ITK: variants seen among roughly 807,000 people sequenced by gnomAD.
ITK encodes tyrosine-protein kinase ITK/TSK.
Under a neutral mutation model 87.6 loss-of-function variants are expected in ITK, and 45 were observed. The observed-to-expected ratio is 0.51, with a 90% confidence interval of 0.40 to 0.66. ITK has a LOEUF of 0.66. ITK is among the 30% of genes least tolerant of loss of function. The probability of loss-of-function intolerance (pLI) is 0.00; values close to 1 mark genes in which losing one functional copy is unlikely to be tolerated. For synonymous variants in ITK, 303 were observed against 273.6 expected (o/e 1.11, Z -1.06); for missense variants, 605 against 766.3 (o/e 0.79, Z 2.48).
At position 157,243,464 on chromosome 5, in the gene ITK, T is replaced by C. The variant is rs1452608433; in HGVS notation, c.1061-159T>C. Among the ~76,000 whole-genome samples the C allele has an allele frequency of 3.3e-5, 5 of 152,222 alleles. No homozygotes were observed. The South Asian group carries it at 8.3e-4, about 25-fold the overall frequency. ...CATATTTTCATAGTTTTCTAGCATA[T>C]CCTATGTTATTATGTGGGAAAAAGA... On this transcript the variant is annotated intron_variant, in intron 11 of 16. Coordinates refer to ENST00000422843, the MANE Select transcript of ITK (RefSeq NM_005546.4).
chr5:157,197,620 A>G (rs1310869857), intron 1 of ITK, among the ~76,000 whole-genome samples: 1 of 129,420 alleles, frequency 7.7e-6, no homozygotes, highest in African/African-American at 2.7e-5. Context: ...CTCTTCTTCC[A>G]AAAATGGGAT....
chr5:157,189,621 C>T (rs2113738389), intron 1 of ITK, among the ~76,000 whole-genome samples: 1 of 152,236 alleles, frequency 6.6e-6, no homozygotes, highest in Non-Finnish European at 1.5e-5. Flanking sequence ...GCAGAGGTTG[C>T]AGTAGGCTGA....
chr5:157,232,839 T>A (rs1013168980), intron 8 of ITK, among the ~76,000 whole-genome samples: 1 of 152,206 alleles, frequency 6.6e-6, no homozygotes, highest in African/African-American at 2.4e-5. Flanking sequence ...TGAGTGGTGA[T>A]GGCTGGCCAT....
intron 5 of ITK, among the ~76,000 whole-genome samples, chr5:157,218,149 T>C (rs1385102209): frequency 6.6e-6 from 1 of 152,152 alleles, no homozygotes; most frequent in Non-Finnish European, 1.5e-5. Flanking sequence ...ATTCAACAAA[T>C]ACTGATATCA....
intron 5 of ITK, among the ~76,000 whole-genome samples, chr5:157,220,066 G>T (rs1022465252): frequency 7.9e-5 from 12 of 152,186 alleles, no homozygotes; most frequent in African/African-American, 1.9e-4. Context: ...TCACCTTCTT[G>T]TTCTGCTGCC....
At chr5:157,235,161 C>T (rs183383099) in intron 8 of ITK, among the ~76,000 whole-genome samples, 194 of 152,290 alleles carry the variant, frequency 1.3e-3, no homozygotes, top group African/African-American at 4.5e-3. Context: ...AAACTAACAA[C>T]TCCACTTAAG....
Position 157,211,337 on chromosome 5 carries a change from C to A in ITK, c.294C>A (p.Ser98Arg). Residue 98 changes from serine (S) to arginine (R), a missense_variant, in exon 3 of 17, where the codon AGC (serine) becomes AGA (arginine). Coordinates refer to ENST00000422843, the MANE Select transcript of ITK (RefSeq NM_005546.4). ...ATGTGTTTGCTCCAGATCGTGAGAG[C>A]CGGCAGCGCTGGGTGCTGGCCCTTA... ...LLYVFAPDRESRQRWVLALKE... is the reference protein window; with the variant it reads ...LLYVFAPDRERRQRWVLALKE... The A allele has an allele frequency of 6.2e-7, 1 of 1,614,046 alleles. No individual in the cohort carries two copies. The highest frequency in any genetic ancestry group is 8.5e-7 in the Non-Finnish European group (1 of 1,179,926).
intron 1 of ITK, among the ~76,000 whole-genome samples, chr5:157,187,702 C>T (rs1420888989): frequency 6.6e-6 from 1 of 152,164 alleles, no homozygotes; most frequent in East Asian, 1.9e-4. Flanking sequence ...CAGCCCTCAA[C>T]TCTTTTTAGG....
chr5:157,215,422 C>A (rs1265777683), intron 4 of ITK, among the ~76,000 whole-genome samples: 5 of 152,158 alleles, frequency 3.3e-5, no homozygotes, highest in African/African-American at 1.2e-4. Flanking sequence ...TTTCACCCTG[C>A]ACCTTGGGGA....
intron 15 of ITK, 78 bp downstream of exon 15, chr5:157,246,077 C>T (rs972057005): frequency 4.1e-6 from 4 of 974,512 alleles, no homozygotes; most frequent in Non-Finnish European, 6.7e-6. Flanking sequence ...TGCAGACAAC[C>T]CTACCCACAC....
At chr5:157,227,668 C>CT (rs1274985851) in intron 6 of ITK, among the ~76,000 whole-genome samples, 2 of 152,086 alleles carry the variant, frequency 1.3e-5, no homozygotes, top group South Asian at 4.1e-4. Context: ...GAATATTAAT[C>CT]TTTTTTTCCA....
At chr5:157,224,778 C>T (rs1288041749) in intron 6 of ITK, among the ~76,000 whole-genome samples, 1 of 152,056 alleles carries the variant, frequency 6.6e-6, no homozygotes, top group East Asian at 1.9e-4. Context: ...GAGAATCCAT[C>T]TCAAAAATAA....
At chr5:157,181,646 C>T (rs1753522859) in intron 1 of ITK, among the ~76,000 whole-genome samples, 1 of 152,168 alleles carries the variant, frequency 6.6e-6, no homozygotes, top group East Asian at 1.9e-4. Flanking sequence ...CTAGCCTGAT[C>T]TTGAAATAAG....
chr5:157,242,339 A>AT (rs1754926067), intron 11 of ITK, among the ~76,000 whole-genome samples: 1 of 152,040 alleles, frequency 6.6e-6, no homozygotes, highest in Admixed American at 6.6e-5. Context: ...GGCTGGTCTA[A>AT]TTTTCATTTC....
intron 1 of ITK, among the ~76,000 whole-genome samples, chr5:157,200,092 G>GAA (rs1292649923): frequency 7.9e-5 from 5 of 63,294 alleles, no homozygotes; most frequent in Non-Finnish European, 1.6e-4. Flanking sequence ...AGAGAGAAAG[G>GAA]AAAGAAGAAA....
intron 9 of ITK, among the ~76,000 whole-genome samples, chr5:157,239,681 T>C (rs1754848981): frequency 6.6e-6 from 1 of 152,216 alleles, no homozygotes; most frequent in African/African-American, 2.4e-5. Flanking sequence ...GCAGCTTATT[T>C]GACTTATGAA....
chr5:157,214,337 C>T lies in ITK; in HGVS notation c.454+18C>T. The stretch of plus-strand genomic sequence containing the variant: ...CAAGAATGGTAAGAGACTGGGAATT[C>T]CCTCTAGTTTTTGTGAAATGACCAT... On this transcript the variant is annotated intron_variant, in intron 4 of 16. Transcript: ENST00000422843. 3.1e-6 allele frequency: 5 copies of T among 1,609,050 alleles called. No homozygotes were observed. Among genetic ancestry groups the T allele is most frequent in the Non-Finnish European group, 4.3e-6 (5 of 1,175,420 alleles).
chr5:157,245,713 G>A lies in ITK; in HGVS notation c.1450-13G>A. Reference sequence around the variant, plus strand: ...TTTTCCTCTCCGCCTTTGTTTGCCTGTCTCCTCTCCAGGCTGCCAGAAATT... The same window carrying A: ...TTTTCCTCTCCGCCTTTGTTTGCCTATCTCCTCTCCAGGCTGCCAGAAATT... On this transcript the variant is annotated splice_polypyrimidine_tract_variant and intron_variant, in intron 13 of 16. Transcript: ENST00000422843. 6.2e-7 allele frequency: 1 copy of A among 1,613,404 alleles called. No individual in the cohort carries two copies. Among genetic ancestry groups the A allele is most frequent in the Admixed American group, 1.7e-5 (1 of 60,022 alleles).
chr5:157,234,999 G>A (rs758206450), intron 8 of ITK, among the ~76,000 whole-genome samples: 1 of 152,020 alleles, frequency 6.6e-6, no homozygotes, highest in African/African-American at 2.4e-5. Context: ...CTGGTGTACT[G>A]CCCCATACAT....
Sources: allele counts gnomAD v4.1 joint callset (sites outside exome capture counted in the v4.1 genomes callset), GRCh38; gene constraint gnomAD v4.1.1; transcripts MANE v1.5; gene names NCBI Gene and HGNC (gene_info 2026-07-23, HGNC 2026-07-21).